The following CYP7B1 variants were observed in gnomAD, a reference collection of about 807,000 sequenced individuals.
CYP7B1 encodes the protein cytochrome P450 family 7 subfamily B member 1, also known as cytochrome P450 7B1.
In CYP7B1, 29 loss-of-function variants were observed where a neutral mutation model predicts 42.7. The observed-to-expected ratio is 0.68, with a 90% CI of 0.51 to 0.93. The LOEUF (loss-of-function observed/expected upper bound fraction) is 0.93, where lower values mean the gene tolerates loss of function less well. CYP7B1 is among the 40% of genes least tolerant of loss of function. The pLI, the probability that CYP7B1 is intolerant of heterozygous loss-of-function variation, is 0.00. For synonymous variants in CYP7B1, 235 were observed against 218.2 expected (o/e 1.08, Z -0.68); for missense variants, 655 against 600.5 (o/e 1.09, Z -0.95).
intron 1 of CYP7B1, among the ~76,000 whole-genome samples, chr8:64,653,521 C>CA (rs1806071727): frequency 6.6e-6 from 1 of 150,944 alleles, no homozygotes; most frequent in Non-Finnish European, 1.5e-5. Context: ...GCCTACCAAC[C>CA]AAAAAAAGCC....
chr8:64,664,703 T>C (rs909036869), intron 1 of CYP7B1, among the ~76,000 whole-genome samples: 1 of 152,194 alleles, frequency 6.6e-6, no homozygotes, highest in Non-Finnish European at 1.5e-5. Context: ...TGCAAAGACC[T>C]AAGGAAAAGA....
intron 1 of CYP7B1, among the ~76,000 whole-genome samples, chr8:64,681,480 G>A (rs1806537339): frequency 6.6e-6 from 1 of 152,190 alleles, no homozygotes; most frequent in Non-Finnish European, 1.5e-5. Context: ...ATGGATTTGT[G>A]TGACAACTAT....
intron 1 of CYP7B1, among the ~76,000 whole-genome samples, chr8:64,771,047 C>CTTTTTT (rs757503820): frequency 0.031 from 1,323 of 42,492 alleles, 485 homozygotes; most frequent in East Asian, 0.042. Flanking sequence ...ATATCAGCAT[C>CTTTTTT]TTTTTTTTTT....
chr8:64,796,992 C>T (rs549282327), intron 1 of CYP7B1, among the ~76,000 whole-genome samples: 1 of 152,156 alleles, frequency 6.6e-6, no homozygotes, highest in African/African-American at 2.4e-5. Context: ...ATCTTCTATA[C>T]ACTGAAATGC....
chr8:64,791,544 T>A (rs765425189), intron 1 of CYP7B1, among the ~76,000 whole-genome samples: 2 of 152,156 alleles, frequency 1.3e-5, no homozygotes, highest in Non-Finnish European at 2.9e-5. Flanking sequence ...GAAGGGCCCA[T>A]GACCTAGGTC....
Position 64,675,750 on chromosome 8 carries a change from C to T in CYP7B1, c.123-51211G>A, listed in dbSNP as rs142013525. On this transcript the variant is annotated intron_variant, in intron 1 of 5. Coordinates refer to ENST00000310193, the MANE Select transcript of CYP7B1 (RefSeq NM_004820.5). Reference sequence around the variant, plus strand: ...GCAAGAACTGGGAGCGTGGTTGTTTCTTAGAGGATGCACTTGAAATACCCA... The same window carrying T: ...GCAAGAACTGGGAGCGTGGTTGTTTTTTAGAGGATGCACTTGAAATACCCA... Among the ~76,000 whole-genome samples, 892 of 152,182 alleles carry T rather than the reference C, an allele frequency of 5.9e-3. 10 individuals carry two copies. Among genetic ancestry groups the T allele is most frequent in the African/African-American group, 0.02 (851 of 41,534 alleles).
chr8:64,724,655 C>A (rs1169267199), intron 1 of CYP7B1, among the ~76,000 whole-genome samples: 1 of 152,140 alleles, frequency 6.6e-6, no homozygotes, highest in East Asian at 1.9e-4. Context: ...TTCCTAGTTT[C>A]TTCATTTGCT....
intron 1 of CYP7B1, among the ~76,000 whole-genome samples, chr8:64,686,063 C>G (rs1231552884): frequency 4.8e-5 from 6 of 125,464 alleles, no homozygotes; most frequent in African/African-American, 1.2e-4. Context: ...GGGGGGTCAG[C>G]CCCCCCACCC....
intron 1 of CYP7B1, among the ~76,000 whole-genome samples, chr8:64,737,279 T>C (rs745950160): frequency 6.6e-5 from 10 of 152,196 alleles, no homozygotes; most frequent in African/African-American, 2.4e-5. Flanking sequence ...CATTTAAAGA[T>C]TATCCCTCAA....
At chr8:64,754,405 T>A (rs1807776665) in intron 1 of CYP7B1, among the ~76,000 whole-genome samples, 1 of 152,190 alleles carries the variant, frequency 6.6e-6, no homozygotes. Context: ...TGGGAATGTT[T>A]TATCATTGGA....
chr8:64,701,678 A>T (rs1180343964), intron 1 of CYP7B1, among the ~76,000 whole-genome samples: 3 of 152,102 alleles, frequency 2.0e-5, no homozygotes, highest in Non-Finnish European at 4.4e-5. Flanking sequence ...AAAAACAGAG[A>T]TAGGCAAGGA....
intron 1 of CYP7B1, among the ~76,000 whole-genome samples, chr8:64,743,730 C>A (rs1383959562): frequency 6.6e-6 from 1 of 152,166 alleles, no homozygotes; most frequent in Non-Finnish European, 1.5e-5. Context: ...AAGACCCTAT[C>A]TCCAAATGCA....
chr8:64,615,368 T>C (rs1430034561), intron 3 of CYP7B1, 136 bp from the exon 4 acceptor site: 1 of 930,018 alleles, frequency 1.1e-6, no homozygotes, highest in Non-Finnish European at 1.7e-6. Flanking sequence ...AATAGGCTTC[T>C]GAAGTCTAAT....
chr8:64,628,950 G>A (rs1047769013), intron 1 of CYP7B1, among the ~76,000 whole-genome samples: 4 of 152,174 alleles, frequency 2.6e-5, no homozygotes, highest in East Asian at 1.9e-4. Context: ...CATCGCTGCC[G>A]GGCACAGTGG....
At chr8:64,761,423 T>TAA (rs888038071) in intron 1 of CYP7B1, among the ~76,000 whole-genome samples, 21 of 152,160 alleles carry the variant, frequency 1.4e-4, no homozygotes, top group Middle Eastern at 3.2e-3. Context: ...TATACTCATA[T>TAA]AAAACACCAT....
chr8:64,670,194 GCCTAGCCCTTA>G (rs1284025205), intron 1 of CYP7B1, among the ~76,000 whole-genome samples: 4 of 152,116 alleles, frequency 2.6e-5, no homozygotes. Context: ...CATTTCATGT[GCCTAGCCCTTA>G]CCTGAAAGTC....
intron 4 of CYP7B1, among the ~76,000 whole-genome samples, chr8:64,612,016 C>A (rs1030954011): frequency 2.6e-5 from 4 of 152,080 alleles, no homozygotes; most frequent in African/African-American, 9.7e-5. Flanking sequence ...TTCAAATAAA[C>A]CATTAAGAAG....
intron 1 of CYP7B1, among the ~76,000 whole-genome samples, chr8:64,697,926 A>G (rs1806854589): frequency 6.6e-6 from 1 of 152,220 alleles, no homozygotes; most frequent in African/African-American, 2.4e-5. Flanking sequence ...AAGAGAGACA[A>G]GACAGGGCTC....
intron 1 of CYP7B1, 123 bp from the exon 2 acceptor site, chr8:64,624,662 T>G: frequency 1.8e-6 from 2 of 1,104,178 alleles, no homozygotes; most frequent in South Asian, 2.8e-5. Flanking sequence ...TTCTTTCTAT[T>G]CTCTTACTCA....
Sources: allele counts gnomAD v4.1 joint callset (sites outside exome capture counted in the v4.1 genomes callset), GRCh38; gene constraint gnomAD v4.1.1; transcripts MANE v1.5; gene names NCBI Gene and HGNC (gene_info 2026-07-23, HGNC 2026-07-21).